The following KIF13A variants were observed in gnomAD, a reference collection of about 807,000 sequenced individuals.
KIF13A encodes the protein kinesin-like protein KIF13A.
In KIF13A, 79 loss-of-function variants were observed where a neutral mutation model predicts 212.2. The observed-to-expected ratio is 0.37, with a 90% CI of 0.31 to 0.45. The LOEUF (loss-of-function observed/expected upper bound fraction) is 0.45, where lower values mean the gene tolerates loss of function less well. Among genes scored for constraint, KIF13A ranks in the 20% least tolerant of loss-of-function variants. The probability of loss-of-function intolerance (pLI) is 1.00; values close to 1 mark genes in which losing one functional copy is unlikely to be tolerated. For synonymous variants in KIF13A, 789 were observed against 808.6 expected, an observed-to-expected ratio of 0.98 and a Z score of 0.41; for missense variants, 1,901 against 2,209.0, an observed-to-expected ratio of 0.86 and a Z score of 2.79.
chr6:17,851,971 G>A lies in KIF13A; in HGVS notation c.566C>T (p.Ala189Val). The change falls in exon 7 of 39, where the codon GCT becomes GTT. Residue 189 changes from alanine to valine, a missense_variant. By Grantham distance (64) the Ala-to-Val change is moderately conservative. Around this residue, in one of 5 missense-constraint regions of KIF13A, gnomAD observed 506 missense variants for 637.4 expected, o/e 0.79. Coordinates refer to ENST00000259711, the MANE Select transcript of KIF13A (RefSeq NM_022113.6). ...GPYVDGLSQL[A>V]VTSFEDIESL... ...ATGACTTACCTCAAAACTAGTGACA[G>A]CTAGTTGAGATAAACCATCTACATA... 6.5e-7 allele frequency: 1 copy of A among 1,531,894 alleles called. No homozygotes were observed. The highest frequency in any genetic ancestry group is 8.8e-7 in the Non-Finnish European group (1 of 1,140,718). 94.9% of individuals were successfully genotyped at this position (1,531,894 alleles called of 1,614,324 possible).
At position 17,886,727 on chromosome 6, in the gene KIF13A, G is replaced by A. The variant is rs745911594; in HGVS notation, c.159+11441C>T. ...AACACACAGCACTTCACTTGAACCC[G>A]GGAGGTGGAGGTTGCAGTGAGTTAA... On this transcript the variant is annotated intron_variant, in intron 3 of 38. Transcript: ENST00000259711. The surrounding 1 kb of genome is among the most constrained non-coding windows in gnomAD (Gnocchi z 5.6). 2.0e-5 allele frequency among the ~76,000 whole-genome samples: 3 copies of A among 151,952 alleles called. No individual in the cohort carries two copies. The highest frequency in any genetic ancestry group is 6.6e-5 in the Admixed American group (1 of 15,266).
chr6:17,977,116 A>C (rs1016910281), intron 2 of KIF13A, among the ~76,000 whole-genome samples: 8 of 9,592 alleles, frequency 8.3e-4, no homozygotes, highest in African/African-American at 2.1e-3. Flanking sequence ...AACAACAACA[A>C]AAAAAAAAAA....
Position 17,850,429 on chromosome 6 carries a change from T to C in KIF13A, c.611A>G (p.Asn204Ser). The part of the protein sequence containing the change: ...EDIESLMSEG[N>S]KSRTVAATNM... ...GGTAGCAGCTACCGTTCGAGACTTA[T>C]TTCCCTCAGACATCAATGACTCAAT... Residue 204 changes from asparagine to serine, a missense_variant, in exon 8 of 39, where the codon AAT becomes AGT. By Grantham distance (46) the Asn-to-Ser change is conservative (BLOSUM62 1). Transcript: ENST00000259711. This position sits in a 1 kb window ranked among gnomAD's most constrained non-coding sequence, Gnocchi z 6.2. 3.7e-6 allele frequency: 6 copies of C among 1,613,650 alleles called. No homozygotes were observed. Among genetic ancestry groups the C allele is most frequent in the Non-Finnish European group, 5.1e-6 (6 of 1,179,760 alleles).
intron 2 of KIF13A, among the ~76,000 whole-genome samples, chr6:17,981,426 C>CTT (rs565958562): frequency 3.2e-4 from 43 of 134,290 alleles, no homozygotes; most frequent in African/African-American, 5.5e-4. Flanking sequence ...TTTCTTTTTT[C>CTT]TTTTTTTTTT....
chr6:17,867,835 C>T (rs79951589), intron 4 of KIF13A, among the ~76,000 whole-genome samples: 5,332 of 152,240 alleles, frequency 0.035, 322 homozygotes, highest in African/African-American at 0.12. Flanking sequence ...TGTCTCATTA[C>T]GATTCTGGTT....
chr6:17,889,987 C>T (rs116321518), intron 3 of KIF13A, among the ~76,000 whole-genome samples: 2,935 of 151,918 alleles, frequency 0.019, 42 homozygotes, highest in Non-Finnish European at 0.031. Context: ...ACAGGGAAAA[C>T]CTGTTGACAG....
At position 17,856,707 on chromosome 6, in the gene KIF13A, G is replaced by C. The variant is rs1038958515; in HGVS notation, c.221-585C>G. Among the ~76,000 whole-genome samples the C allele has an allele frequency of 6.6e-6, 1 of 152,180 alleles. No individual in the cohort carries two copies. The highest frequency in any genetic ancestry group is 1.5e-5 in the Non-Finnish European group (1 of 68,028). Reference sequence around the variant, plus strand: ...TCTCTGTATCACACTGCAGCTCTTGGGGGCATTGTGTCATGTACTATACTA... The same window carrying C: ...TCTCTGTATCACACTGCAGCTCTTGCGGGCATTGTGTCATGTACTATACTA... On this transcript the variant is annotated intron_variant, in intron 4 of 38. Transcript: ENST00000259711. This position sits in a 1 kb window ranked among gnomAD's most constrained non-coding sequence, Gnocchi z 4.5.
chr6:17,870,841 G>A (rs12201755), intron 4 of KIF13A, among the ~76,000 whole-genome samples: 28,308 of 151,824 alleles, frequency 0.19, 2,823 homozygotes, highest in South Asian at 0.31. Flanking sequence ...CTTCCTTTAC[G>A]GAAAAGTCAA....
At chr6:17,975,794 T>A (rs772145474) in intron 2 of KIF13A, among the ~76,000 whole-genome samples, 42 of 151,994 alleles carry the variant, frequency 2.8e-4, no homozygotes, top group Admixed American at 6.6e-4. Flanking sequence ...CCCACCAGAG[T>A]AGCTAGATAC....
At chr6:17,806,096 TA>T (rs950821168) in intron 18 of KIF13A, among the ~76,000 whole-genome samples, 3 of 152,002 alleles carry the variant, frequency 2.0e-5, no homozygotes, top group Non-Finnish European at 2.9e-5. Flanking sequence ...TTTTTTATTT[TA>T]TTTTTTGTAT....
Position 17,855,585 on chromosome 6 carries a change from C to G in KIF13A, c.346G>C (p.Ala116Pro). The G allele has an allele frequency of 6.2e-7, 1 of 1,603,202 alleles. No homozygotes were observed. The highest frequency in any genetic ancestry group is 8.5e-7 in the Non-Finnish European group (1 of 1,177,326). Residue 116 changes from alanine to proline, a missense_variant, in exon 6 of 39, where the codon GCT becomes CCT. By Grantham distance (27) the Ala-to-Pro change is conservative. This residue lies in a region of KIF13A where 506 missense variants were observed against 637.4 expected (regional missense o/e 0.79). Coordinates refer to ENST00000259711, the MANE Select transcript of KIF13A (RefSeq NM_022113.6). The surrounding 1 kb of genome is among the most constrained non-coding windows in gnomAD (Gnocchi z 4.1). The stretch of plus-strand genomic sequence containing the variant: ...CTTGGAATAAGGCCCAGCTGCTCAG[C>G]ATGGCCCATCATGGAAAAGGATTTT... Reference protein sequence around the residue: ...SGKSFSMMGHAEQLGLIPRLC... With the variant: ...SGKSFSMMGHPEQLGLIPRLC...
In KIF13A at chr6:17,777,286, A is replaced by G; in HGVS notation, c.4161T>C (p.Asn1387=). 1 of 1,611,970 alleles carries G rather than the reference A, an allele frequency of 6.2e-7. No homozygotes were observed. The highest frequency in any genetic ancestry group is 1.1e-5 in the South Asian group (1 of 90,542). The change falls in exon 34 of 39, where the codon AAT becomes AAC. Residue 1387 remains asparagine (N), a synonymous_variant. Transcript: ENST00000259711. The surrounding 1 kb of genome is among the most constrained non-coding windows in gnomAD (Gnocchi z 4.4). ...GGCAGGATGCACTTACATTATGAAC[A>G]TTTGGTGTACTGAGGCTCCTCCGAA... ...RHIRRSLSTP[N]VHNVSSSRPD...
At chr6:17,923,180 A>C (rs1775227923) in intron 2 of KIF13A, among the ~76,000 whole-genome samples, 1 of 152,006 alleles carries the variant, frequency 6.6e-6, no homozygotes, top group Non-Finnish European at 1.5e-5. Context: ...AGGCTGAGGC[A>C]GGAGAATCGC....
intron 18 of KIF13A, among the ~76,000 whole-genome samples, chr6:17,807,823 C>G (rs1763097308): frequency 6.6e-6 from 1 of 152,170 alleles, no homozygotes; most frequent in South Asian, 2.1e-4. Context: ...TGTAAAATTC[C>G]TCTCTTTGTA....
In KIF13A at chr6:17,870,371, T is replaced by C. The variant is rs1769889007; in HGVS notation, c.220+3006A>G. Among the ~76,000 whole-genome samples, 3 of 152,182 alleles carry C rather than the reference T, an allele frequency of 2.0e-5. 1 individual carries two copies. In the South Asian group the frequency reaches 6.2e-4, roughly 32 times the overall value. On this transcript the variant is annotated intron_variant, in intron 4 of 38. Coordinates refer to ENST00000259711, the MANE Select transcript of KIF13A (RefSeq NM_022113.6). The stretch of plus-strand genomic sequence containing the variant: ...TTGATCTTTTAAAATATATCTGAAC[T>C]ATCTGTAATGAAGAGCTACAGAAAT...
rs1318243741 is a variant in KIF13A at position 17,798,355 on chromosome 6, T to C, written c.2790+911A>G. Among the ~76,000 whole-genome samples the C allele has an allele frequency of 2.6e-5, 4 of 152,126 alleles. No homozygotes were observed. The East Asian group carries it at 7.7e-4, about 29-fold the overall frequency. On this transcript the variant is annotated intron_variant, in intron 22 of 38. Transcript: ENST00000259711. ...TCATCTTTCTAAACAAGCAGCTTTG[T>C]GGATTCAAAGAAAGATGGGGAATAT...
At chr6:17,784,267 A>G (rs1232317016) in intron 28 of KIF13A, among the ~76,000 whole-genome samples, 4 of 152,242 alleles carry the variant, frequency 2.6e-5, no homozygotes, top group Admixed American at 1.3e-4. Context: ...AAAAAAAACA[A>G]AAAAACACTA....
intron 2 of KIF13A, among the ~76,000 whole-genome samples, chr6:17,925,822 C>A (rs1775448552): frequency 1.3e-5 from 2 of 152,250 alleles, no homozygotes; most frequent in South Asian, 4.1e-4. Context: ...AAGGGTTTTT[C>A]AGGAGTAAGG....
rs1169126413 is a variant in KIF13A at position 17,897,083 on chromosome 6, A to T, written c.159+1085T>A. Among the ~76,000 whole-genome samples, 1 of 152,196 alleles carries T rather than the reference A, an allele frequency of 6.6e-6. No individual in the cohort carries two copies. The highest frequency in any genetic ancestry group is 1.5e-5 in the Non-Finnish European group (1 of 68,040). ...TATTTCCTCTTTCTTAACAGATCTT[A>T]TATCATTTGTTCAATGCATGCCTTC... On this transcript the variant is annotated intron_variant, in intron 3 of 38. Transcript: ENST00000259711. This position sits in a 1 kb window ranked among gnomAD's most constrained non-coding sequence, Gnocchi z 4.8.
Sources: gnomAD v4.1 joint callset for allele counts (sites outside exome capture counted in the v4.1 genomes callset) on GRCh38, gnomAD v4.1.1 for gene constraint, gnomAD v4.1.1 regional missense constraint, Gnocchi (gnomAD v3.1) non-coding constraint, MANE v1.5 for transcripts, NCBI Gene and HGNC (gene_info 2026-07-23, HGNC 2026-07-21) for gene names.